THADA: variants seen among roughly 807,000 people sequenced by gnomAD.
THADA encodes tRNA (32-2'-O)-methyltransferase regulator THADA.
A neutral mutation model predicts 219.8 loss-of-function variants in THADA; 213 were observed. The observed-to-expected ratio is 0.97, with a 90% CI of 0.87 to 1.09. The LOEUF is 1.09. Ranked by LOEUF, THADA falls within the 50% of genes least tolerant of loss-of-function variation. The pLI is 0.00. For missense variants in THADA, 2,956 were observed against 2,311.3 expected, an observed-to-expected ratio of 1.28 and a Z score of -5.72; for synonymous variants, 1,018 against 828.9, an observed-to-expected ratio of 1.23 and a Z score of -3.92.
chr2:43,369,156 C>CA (rs2104615910), intron 29 of THADA, among the ~76,000 whole-genome samples: 1 of 152,322 alleles, frequency 6.6e-6, no homozygotes, highest in South Asian at 2.1e-4. Flanking sequence ...CTAAATTGCT[C>CA]AGTCTCCTGC....
chr2:43,292,179 G>A lies in THADA; in HGVS notation c.4862C>T (p.Pro1621Leu). The change falls in exon 33 of 38, where the codon CCC becomes CTC. Residue 1621 changes from proline (P) to leucine (L), a missense_variant. Coordinates refer to ENST00000405975, the MANE Select transcript of THADA (RefSeq NM_022065.5). ...LHCMDPGEWL[P>L]QTEHCVHLTP... ...CAGATGGACACAGTGCTCCGTCTGG[G>A]GAAGCCACTCACCAGGGTCCATGCA... 1.2e-6 allele frequency: 2 copies of A among 1,612,154 alleles called. No homozygotes were observed. Among genetic ancestry groups the A allele is most frequent in the Non-Finnish European group, 1.7e-6 (2 of 1,179,204 alleles).
At chr2:43,264,998 A>T in intron 36 of THADA, among the ~76,000 whole-genome samples, 1 of 152,272 alleles carries the variant, frequency 6.6e-6, no homozygotes, top group East Asian at 1.9e-4. Context: ...TTGGAGATGA[A>T]TGAACATTTT....
At chr2:43,516,692 A>C (rs928850674) in intron 22 of THADA, among the ~76,000 whole-genome samples, 1 of 152,164 alleles carries the variant, frequency 6.6e-6, no homozygotes, top group Non-Finnish European at 1.5e-5. Flanking sequence ...ATGTATATTG[A>C]CACCAAAGCC....
At chr2:43,278,520 T>A (rs1672982528) in intron 36 of THADA, among the ~76,000 whole-genome samples, 1 of 152,304 alleles carries the variant, frequency 6.6e-6, no homozygotes, top group African/African-American at 2.4e-5. Flanking sequence ...TGGCAGAATT[T>A]TAGCTATTGG....
At chr2:43,485,189 T>A (rs774929761) in intron 26 of THADA, 45 bp downstream of exon 26, 1 of 1,462,614 alleles carries the variant, frequency 6.8e-7, no homozygotes, top group Middle Eastern at 1.8e-4. Flanking sequence ...CAGGACAATA[T>A]TGTATTTTTT....
chr2:43,415,632 C>G (rs1305043594), intron 28 of THADA, among the ~76,000 whole-genome samples: 1 of 152,102 alleles, frequency 6.6e-6, no homozygotes, highest in East Asian at 1.9e-4. Flanking sequence ...TGGCCAATTA[C>G]AAAATCTAGA....
chr2:43,578,607 T>C lies in THADA; in HGVS notation c.722A>G (p.Asp241Gly). The C allele has an allele frequency of 6.3e-7, 1 of 1,586,078 alleles. No individual in the cohort carries two copies. Among genetic ancestry groups the C allele is most frequent in the Non-Finnish European group, 8.6e-7 (1 of 1,165,030 alleles). Residue 241 changes from aspartate (D) to glycine (G), a missense_variant and splice_region_variant, in exon 9 of 38, where the codon GAT becomes GGT. By Grantham distance (94) the Asp-to-Gly change is moderately conservative (BLOSUM62 -1). Coordinates refer to ENST00000405975, the MANE Select transcript of THADA (RefSeq NM_022065.5). ...LSIFTKVLSD[D>G]DLLQTVQSTS... ...GCTCTGTACAGTCTGTAACAGATCA[T>C]CTATTTGGCAAAAAAGGAGAGAAGC...
chr2:43,590,972 G>T lies in THADA; in HGVS notation c.172-18C>A. On this transcript the variant is annotated intron_variant, in intron 3 of 37. Transcript: ENST00000405975. ...GGCACAATCTATAATACAAAACATT[G>T]AAGTAATTTTTATAATATCAAATAT... 1.2e-6 allele frequency: 2 copies of T among 1,600,350 alleles called. No homozygotes were observed. The highest frequency in any genetic ancestry group is 2.3e-5 in the South Asian group (2 of 88,640).
intron 27 of THADA, among the ~76,000 whole-genome samples, chr2:43,428,566 C>G (rs1273280721): frequency 2.0e-5 from 3 of 152,190 alleles, no homozygotes; most frequent in Non-Finnish European, 2.9e-5. Context: ...GATCACGCCA[C>G]TGCACTCCAG....
chr2:43,435,600 T>C (rs1243019161), intron 26 of THADA, among the ~76,000 whole-genome samples: 3 of 151,690 alleles, frequency 2.0e-5, no homozygotes, highest in Non-Finnish European at 4.4e-5. Flanking sequence ...CTGGCCAACA[T>C]GGTGAAATCC....
intron 29 of THADA, among the ~76,000 whole-genome samples, chr2:43,385,468 G>A (rs1233712010): frequency 6.6e-6 from 1 of 152,088 alleles, no homozygotes; most frequent in Non-Finnish European, 1.5e-5. Context: ...TTAGCCGGGT[G>A]TGGTGGCGGA....
At chr2:43,398,200 T>C in intron 28 of THADA, 61 bp from the exon 29 acceptor site, 1 of 1,543,474 alleles carries the variant, frequency 6.5e-7, no homozygotes, top group South Asian at 1.2e-5. Flanking sequence ...TGACTTTGTA[T>C]ATACTTACAT....
At chr2:43,436,541 A>T (rs1242821734) in intron 26 of THADA, among the ~76,000 whole-genome samples, 1 of 152,172 alleles carries the variant, frequency 6.6e-6, no homozygotes, top group African/African-American at 2.4e-5. Context: ...GGCTCCAAGC[A>T]CCTGTCAATA....
At position 43,379,097 on chromosome 2, in the gene THADA, A is replaced by G. The variant is rs190594324; in HGVS notation, c.4227+18874T>C. Reference sequence around the variant, plus strand: ...ATACTGAGTGTAAAATAATAAAAATAATGACGGATTAAAACTAAGGTAGGT... The same window carrying G: ...ATACTGAGTGTAAAATAATAAAAATGATGACGGATTAAAACTAAGGTAGGT... On this transcript the variant is annotated intron_variant, in intron 29 of 37. Coordinates refer to ENST00000405975, the MANE Select transcript of THADA (RefSeq NM_022065.5). Among the ~76,000 whole-genome samples, 607 of 152,362 alleles carry G rather than the reference A, an allele frequency of 4.0e-3. 3 individuals are homozygous for G. The highest frequency in any genetic ancestry group is 4.6e-3 in the Non-Finnish European group (315 of 68,032).
chr2:43,478,053 C>T (rs1172736977), intron 26 of THADA, among the ~76,000 whole-genome samples: 1 of 152,192 alleles, frequency 6.6e-6, no homozygotes, highest in Non-Finnish European at 1.5e-5. Flanking sequence ...GAGTTTGATT[C>T]TCACATTTCC....
intron 20 of THADA, among the ~76,000 whole-genome samples, chr2:43,546,761 T>C (rs956607454): frequency 7.2e-5 from 11 of 152,102 alleles, no homozygotes; most frequent in African/African-American, 2.7e-4. Context: ...AGCCTATGTG[T>C]GTCTCTGCAC....
intron 22 of THADA, among the ~76,000 whole-genome samples, chr2:43,515,156 ATTAT>A (rs1691350968): frequency 2.4e-4 from 2 of 8,304 alleles, no homozygotes; most frequent in Non-Finnish European, 3.7e-4. Flanking sequence ...TATTTTATAT[ATTAT>A]ATATAATATA....
At chr2:43,382,351 C>A (rs1672145987) in intron 29 of THADA, among the ~76,000 whole-genome samples, 1 of 152,130 alleles carries the variant, frequency 6.6e-6, no homozygotes, top group African/African-American at 2.4e-5. Flanking sequence ...TCTGTACTAT[C>A]TTAGTAACTT....
intron 13 of THADA, among the ~76,000 whole-genome samples, chr2:43,571,188 T>A (rs1368358033): frequency 6.6e-6 from 1 of 151,106 alleles, no homozygotes; most frequent in African/African-American, 2.4e-5. Flanking sequence ...CCTGGGAGGT[T>A]GAGGGTACAG....
Sources: gnomAD v4.1 joint callset for allele counts (sites outside exome capture counted in the v4.1 genomes callset) on GRCh38, gnomAD v4.1.1 for gene constraint, MANE v1.5 for transcripts, NCBI Gene and HGNC (gene_info 2026-07-23, HGNC 2026-07-21) for gene names.